Variants in RICTOR observed in about 807,000 individuals in gnomAD.
The protein encoded by RICTOR is RPTOR independent companion of MTOR complex 2.
In RICTOR, 49 loss-of-function variants were observed where a neutral mutation model predicts 214.9. That is an observed-to-expected ratio of 0.23 (90% CI 0.18 to 0.29). RICTOR has a LOEUF of 0.29. Among genes scored for constraint, RICTOR ranks in the 10% least tolerant of loss-of-function variants. The pLI is 1.00. For synonymous variants in RICTOR, 717 were observed against 711.3 expected (o/e 1.01, Z -0.13); for missense variants, 1,625 against 2,047.0 (o/e 0.79, Z 3.98).
At chr5:38,979,543 T>C (rs1041649549) in intron 8 of RICTOR, among the ~76,000 whole-genome samples, 3 of 152,186 alleles carry the variant, frequency 2.0e-5, no homozygotes, top group African/African-American at 7.2e-5. Flanking sequence ...TGTCTCCTTT[T>C]AACAACAAAT....
chr5:38,983,404 A>G (rs564638763), intron 7 of RICTOR, among the ~76,000 whole-genome samples: 1 of 152,330 alleles, frequency 6.6e-6, no homozygotes, highest in Non-Finnish European at 1.5e-5. Context: ...TATATAAGAT[A>G]CCATCTACAA....
intron 24 of RICTOR, 112 bp from the exon 25 acceptor site, chr5:38,957,842 T>C (rs934384763): frequency 2.7e-4 from 151 of 568,010 alleles, no homozygotes; most frequent in Middle Eastern, 4.7e-4. Context: ...ACTTTAGGAA[T>C]AGTTCGTTCC....
chr5:39,002,716 C>A (rs1462498757), intron 4 of RICTOR, 50 bp from the exon 5 acceptor site: 82 of 1,544,060 alleles, frequency 5.3e-5, no homozygotes, highest in Non-Finnish European at 6.8e-5. Flanking sequence ...GTTTCAAATA[C>A]ACACAAAATT....
intron 2 of RICTOR, among the ~76,000 whole-genome samples, chr5:39,062,636 A>G (rs1168313125): frequency 6.6e-6 from 1 of 152,138 alleles, no homozygotes; most frequent in African/African-American, 2.4e-5. Context: ...CACATCTAAA[A>G]CAGCTAAATA....
At chr5:39,052,776 T>C (rs1234430538) in intron 2 of RICTOR, among the ~76,000 whole-genome samples, 1 of 152,252 alleles carries the variant, frequency 6.6e-6, no homozygotes, top group Non-Finnish European at 1.5e-5. Flanking sequence ...CCTCCTTCTT[T>C]TGTTAAAAGT....
chr5:39,053,813 A>AC (rs1758011847), intron 2 of RICTOR, among the ~76,000 whole-genome samples: 1 of 144,462 alleles, frequency 6.9e-6, no homozygotes, highest in Non-Finnish European at 1.5e-5. Flanking sequence ...AATGGCGTGA[A>AC]CCCCAGGGGG....
intron 25 of RICTOR, among the ~76,000 whole-genome samples, chr5:38,956,062 TTA>T (rs2112893254): frequency 6.6e-6 from 1 of 152,170 alleles, no homozygotes; most frequent in Non-Finnish European, 1.5e-5. Context: ...ATTAGAAACC[TTA>T]TGAGCCAAGT....
At chr5:38,959,750 A>G (rs527763822) in intron 21 of RICTOR, 29 bp downstream of exon 21, 2 of 1,445,834 alleles carry the variant, frequency 1.4e-6, no homozygotes, top group South Asian at 1.1e-5. Context: ...GTTCATGTAT[A>G]TATTGCAACA....
At position 38,967,349 on chromosome 5, in the gene RICTOR, C is replaced by T. The variant is rs200672374; in HGVS notation, c.1139G>A (p.Arg380His). The change falls in exon 13 of 38, where the codon CGT becomes CAT. Residue 380 changes from arginine (R) to histidine (H), a missense_variant. Arg to His is a conservative substitution (Grantham distance 29, BLOSUM62 0). Around this residue, in one of 5 missense-constraint regions of RICTOR, gnomAD observed 1,214 missense variants for 1,470.5 expected, o/e 0.83. Transcript: ENST00000357387. ...TTTTAAATTCTACCTGGATCTGGCA[C>T]GATGAGGAAGAATAGTTTTTGCCTC... is the stretch of plus-strand genomic sequence containing the variant. ...AAEAKTILPH[R>H]ARSRPDLMDN... 55 of 1,613,138 alleles carry T rather than the reference C, an allele frequency of 3.4e-5. No individual in the cohort carries two copies. The highest frequency in any genetic ancestry group is 1.0e-4 in the Admixed American group (6 of 59,928).
chr5:38,949,535 C>A, intron 31 of RICTOR, 177 bp downstream of exon 31: 1 of 1,104,114 alleles, frequency 9.1e-7, no homozygotes, highest in South Asian at 1.6e-5. Flanking sequence ...CCCCTCGCAG[C>A]TGCAAGAATC....
At chr5:39,068,364 C>T (rs1759052174) in intron 2 of RICTOR, among the ~76,000 whole-genome samples, 1 of 152,158 alleles carries the variant, frequency 6.6e-6, no homozygotes, top group Admixed American at 6.5e-5. Context: ...CTGGCAAACT[C>T]TCCCCAATCC....
chr5:39,006,736 G>A (rs1222762125), intron 3 of RICTOR, among the ~76,000 whole-genome samples: 6 of 73,074 alleles, frequency 8.2e-5, no homozygotes, highest in African/African-American at 2.8e-4. Context: ...GGGAGAGGAG[G>A]GGAGAGGAGG....
chr5:39,002,901 T>C (rs922572385), intron 4 of RICTOR, among the ~76,000 whole-genome samples: 2 of 152,140 alleles, frequency 1.3e-5, no homozygotes, highest in African/African-American at 4.8e-5. Context: ...GAAAATGTTA[T>C]TGAGTTCTTT....
At chr5:39,016,070 C>A (rs1313439259) in intron 3 of RICTOR, among the ~76,000 whole-genome samples, 1 of 152,004 alleles carries the variant, frequency 6.6e-6, no homozygotes, top group Non-Finnish European at 1.5e-5. Context: ...TGACTCAGGG[C>A]GTACTCACTC....
At chr5:39,071,337 C>T (rs754164606) in intron 2 of RICTOR, among the ~76,000 whole-genome samples, 10 of 151,606 alleles carry the variant, frequency 6.6e-5, no homozygotes, top group Non-Finnish European at 1.3e-4. Flanking sequence ...ATTAGTATAA[C>T]AGTATGTTTC....
chr5:38,983,737 G>C (rs1393737174), intron 7 of RICTOR, among the ~76,000 whole-genome samples: 1 of 152,170 alleles, frequency 6.6e-6, no homozygotes, highest in Non-Finnish European at 1.5e-5. Context: ...GCTGAGGCGG[G>C]TGGATCACGA....
At chr5:39,056,376 A>G (rs10473128) in intron 2 of RICTOR, among the ~76,000 whole-genome samples, 96,372 of 152,014 alleles carry the variant, frequency 0.63, 30,698 homozygotes, top group African/African-American at 0.7. Context: ...GCTCATACCT[A>G]CAATCCCAGC....
At chr5:39,021,017 A>T (rs771673161) in intron 3 of RICTOR, 22 bp downstream of exon 3, 2 of 1,112,278 alleles carry the variant, frequency 1.8e-6, no homozygotes, top group Admixed American at 3.4e-5. Context: ...TTTAGACAAT[A>T]ATAAAAATTC....
At chr5:38,973,329 G>T (rs1234154766) in intron 10 of RICTOR, among the ~76,000 whole-genome samples, 5 of 152,116 alleles carry the variant, frequency 3.3e-5, no homozygotes, top group Non-Finnish European at 5.9e-5. Flanking sequence ...AGTTAATAAT[G>T]TGCATGCTGC....
Sources: allele counts gnomAD v4.1 joint callset (sites outside exome capture counted in the v4.1 genomes callset), GRCh38; gene constraint gnomAD v4.1.1; regional missense constraint gnomAD v4.1.1; transcripts MANE v1.5; gene names NCBI Gene and HGNC (gene_info 2026-07-23, HGNC 2026-07-21).